Variants in SLC8A1 observed in about 807,000 individuals in gnomAD.
The protein encoded by SLC8A1 is sodium/calcium exchanger 1.
Under a neutral mutation model 68.3 loss-of-function variants are expected in SLC8A1, and 18 were observed. The ratio of observed to expected loss-of-function variants is 0.26; its 90% CI spans 0.18 to 0.39. The LOEUF (loss-of-function observed/expected upper bound fraction) is 0.39, where lower values mean the gene tolerates loss of function less well. SLC8A1 is among the 10% of genes least tolerant of loss of function. The pLI is 1.00. For missense variants in SLC8A1, 985 were observed against 1,156.7 expected (o/e 0.85, Z 2.15); for synonymous variants, 475 against 415.5 (o/e 1.14, Z -1.74).
intron 2 of SLC8A1, among the ~76,000 whole-genome samples, chr2:40,191,759 G>A (rs1357949096): frequency 6.6e-6 from 1 of 152,100 alleles, no homozygotes; most frequent in Non-Finnish European, 1.5e-5. Context: ...AGTAAGCTTT[G>A]AAAATTTTTT....
At chr2:40,253,476 C>G (rs867321291) in intron 2 of SLC8A1, among the ~76,000 whole-genome samples, 2 of 151,882 alleles carry the variant, frequency 1.3e-5, no homozygotes, top group African/African-American at 2.4e-5. Context: ...TGTTCTCACT[C>G]ATATGTGGGA....
chr2:40,110,674 C>T (rs181003372), exon 8 of SLC8A1: 2 of 152,250 alleles, frequency 1.3e-5, no homozygotes, highest in Admixed American at 6.5e-5. Flanking sequence ...AATGGCCAAA[C>T]GTTCTTGAGA....
In SLC8A1 at chr2:40,460,381, T is replaced by C. The variant is rs564488708; in HGVS notation, c.-24-30077A>G. The stretch of plus-strand genomic sequence containing the variant: ...AATGATGCAATTTAATGGAACATGC[T>C]ACTTTATAGGGTAATCATTTATATT... On this transcript the variant is annotated intron_variant, in intron 1 of 7. Transcript: ENST00000402441. Among the ~76,000 whole-genome samples the C allele has an allele frequency of 8.5e-5, 13 of 152,324 alleles. No homozygotes were observed. In the South Asian group the frequency reaches 2.5e-3, roughly 29 times the overall value.
At chr2:40,398,826 A>G (rs1422541452) in intron 2 of SLC8A1, among the ~76,000 whole-genome samples, 4 of 152,304 alleles carry the variant, frequency 2.6e-5, no homozygotes, top group Admixed American at 2.0e-4. Flanking sequence ...TTCAACTGCT[A>G]CTACCCAGTT....
chr2:40,301,629 A>G (rs539854769), intron 2 of SLC8A1, among the ~76,000 whole-genome samples: 1 of 152,224 alleles, frequency 6.6e-6, no homozygotes, highest in East Asian at 1.9e-4. Context: ...AAAGACTACA[A>G]ATTGGGGCTG....
chr2:40,482,939 C>T (rs960946474), intron 1 of SLC8A1, among the ~76,000 whole-genome samples: 4 of 150,668 alleles, frequency 2.7e-5, no homozygotes, highest in South Asian at 2.1e-4. Context: ...TACAGGCGCC[C>T]GCCACCACGC....
intron 2 of SLC8A1, among the ~76,000 whole-genome samples, chr2:40,210,665 T>C (rs1354174287): frequency 6.6e-6 from 1 of 152,196 alleles, no homozygotes; most frequent in East Asian, 1.9e-4. Flanking sequence ...GAATTTCCTG[T>C]TTCACCAGAA....
chr2:40,293,960 T>C (rs989934386), intron 2 of SLC8A1, among the ~76,000 whole-genome samples: 2 of 152,128 alleles, frequency 1.3e-5, no homozygotes, highest in Non-Finnish European at 2.9e-5. Flanking sequence ...GCAGCTTTAG[T>C]GAGTTTGGAG....
At chr2:40,371,556 C>T (rs1370306612) in intron 2 of SLC8A1, among the ~76,000 whole-genome samples, 1 of 151,980 alleles carries the variant, frequency 6.6e-6, no homozygotes, top group African/African-American at 2.4e-5. Flanking sequence ...TTTGTGAGGA[C>T]CGAATAGGCT....
chr2:40,190,382 C>G (rs779051514), intron 2 of SLC8A1, among the ~76,000 whole-genome samples: 45 of 152,232 alleles, frequency 3.0e-4, no homozygotes, highest in Non-Finnish European at 6.0e-4. Context: ...TAGTGGATGC[C>G]AGAATTAGGA....
At chr2:40,173,587 T>G (rs1332305587) in intron 4 of SLC8A1, among the ~76,000 whole-genome samples, 1 of 152,226 alleles carries the variant, frequency 6.6e-6, no homozygotes, top group East Asian at 1.9e-4. Flanking sequence ...AGAATCACAT[T>G]GGAATTGCTT....
intron 2 of SLC8A1, among the ~76,000 whole-genome samples, chr2:40,376,021 T>A (rs1370550169): frequency 6.6e-6 from 1 of 151,916 alleles, no homozygotes. Flanking sequence ...AATAAATAAA[T>A]AAAAAGTTGT....
Position 40,139,615 on chromosome 2 carries a change from CACGTAATCGAA to C in SLC8A1, c.2212_2222del (p.Phe738AspfsTer19). 1 of 1,614,132 alleles carries C rather than the reference CACGTAATCGAA, an allele frequency of 6.2e-7. No individual in the cohort carries two copies. The highest frequency in any genetic ancestry group is 8.5e-7 in the Non-Finnish European group (1 of 1,180,012). The stretch of plus-strand genomic sequence containing the variant: ...TCCAGAACACAGTCAGAAAGTGCAT[CACGTAATCGAA>C]ACAGGAGGGCAGCTTCTCTTCCCCA... On this transcript the variant is annotated frameshift_variant, in exon 7 of 8. Coordinates refer to ENST00000406785, the Ensembl canonical transcript of SLC8A1. LOFTEE classifies it high-confidence loss of function.
intron 1 of SLC8A1, among the ~76,000 whole-genome samples, chr2:40,473,316 A>C (rs1243913716): frequency 6.6e-6 from 1 of 152,008 alleles, no homozygotes; most frequent in Admixed American, 6.6e-5. Flanking sequence ...GCCAAGTAAA[A>C]TTTTCCTAAA....
At chr2:40,146,527 T>C (rs576961415) in intron 6 of SLC8A1, among the ~76,000 whole-genome samples, 8 of 152,202 alleles carry the variant, frequency 5.3e-5, no homozygotes, top group African/African-American at 1.7e-4. Context: ...ACATTACATG[T>C]ATTTTGCACT....
chr2:40,353,289 C>G (rs1262473752), intron 2 of SLC8A1, among the ~76,000 whole-genome samples: 3 of 152,086 alleles, frequency 2.0e-5, no homozygotes, highest in Non-Finnish European at 2.9e-5. Flanking sequence ...CTCTTGACAG[C>G]TAAAGAAAAA....
chr2:40,139,869 T>C (rs2041229581), intron 6 of SLC8A1, among the ~76,000 whole-genome samples, 193 bp from the exon 10 acceptor site: 1 of 152,176 alleles, frequency 6.6e-6, no homozygotes, highest in African/African-American at 2.4e-5. Flanking sequence ...GAAATGCCTC[T>C]TACCTGTGGC....
chr2:40,342,818 C>T (rs1405502902), intron 2 of SLC8A1, among the ~76,000 whole-genome samples: 1 of 152,118 alleles, frequency 6.6e-6, no homozygotes, highest in Non-Finnish European at 1.5e-5. Flanking sequence ...CTAAACAGAT[C>T]ACTCACTGCA....
intron 1 of SLC8A1, among the ~76,000 whole-genome samples, chr2:40,467,219 G>A (rs760744972): frequency 6.6e-6 from 1 of 152,068 alleles, no homozygotes; most frequent in South Asian, 2.1e-4. Context: ...CAATTTTTAC[G>A]TGTCCAAAGA....
Sources: allele counts gnomAD v4.1 joint callset (sites outside exome capture counted in the v4.1 genomes callset), GRCh38; gene constraint gnomAD v4.1.1; transcripts MANE v1.5; gene names NCBI Gene and HGNC (gene_info 2026-07-23, HGNC 2026-07-21).